SRSF4: variants seen among roughly 807,000 people sequenced by gnomAD.
The protein encoded by SRSF4 is serine/arginine-rich splicing factor 4.
Under a neutral mutation model 48.8 loss-of-function variants are expected in SRSF4, and 12 were observed. The observed-to-expected ratio is 0.25, with a 90% CI of 0.16 to 0.40. The LOEUF is 0.40. Among genes scored for constraint, SRSF4 ranks in the 10% least tolerant of loss-of-function variants. The pLI is 1.00. For missense variants in SRSF4, 466 were observed against 667.1 expected (o/e 0.70, Z 3.32); for synonymous variants, 248 against 232.5 (o/e 1.07, Z -0.61).
At position 29,154,356 on chromosome 1, in the gene SRSF4, G is replaced by A. The variant is rs548730938; in HGVS notation, c.578+340C>T. The A allele has an allele frequency of 7.6e-5, 16 of 209,440 alleles. No individual in the cohort carries two copies. In the South Asian group the frequency reaches 1.3e-3, roughly 17 times the overall value. 13.0% of individuals were successfully genotyped at this position (209,440 alleles called of 1,614,324 possible). ...TGGGATTACAGACATGCGCCACAGC[G>A]CCCAGCATTTTTGTATTTTTAGTAC... On this transcript the variant is annotated intron_variant, in intron 4 of 5. Coordinates refer to ENST00000373795, the MANE Select transcript of SRSF4 (RefSeq NM_005626.5).
chr1:29,171,960 C>G (rs1464303168), intron 1 of SRSF4: 1 of 152,036 alleles, frequency 6.6e-6, no homozygotes, highest in Non-Finnish European at 1.5e-5. Flanking sequence ...GACCAAGAAC[C>G]AAGGAGTGGA....
chr1:29,154,598 T>C lies in SRSF4; in HGVS notation c.578+98A>G, dbSNP rs993982427. On this transcript the variant is annotated intron_variant, in intron 4 of 5. Transcript: ENST00000373795. ...TAAGTTATTGAACCAGATGGAATCA[T>C]GTTATTAAGAACTCAACAGGAAAAT... The C allele has an allele frequency of 6.1e-6, 7 of 1,148,118 alleles. No homozygotes were observed. In the African/African-American group the frequency reaches 7.8e-5, roughly 13 times the overall value. The allele number at this position is 1,148,118 out of a possible 1,614,324, so 71.1% of individuals were successfully genotyped here. A position where few individuals can be genotyped will look rare whatever the true frequency, so the allele number is the denominator to read the frequency against.
intron 1 of SRSF4, among the ~76,000 whole-genome samples, chr1:29,176,641 ATTC>A (rs1339104942): frequency 6.6e-6 from 1 of 151,956 alleles, no homozygotes; most frequent in Non-Finnish European, 1.5e-5. Flanking sequence ...GTTGGCAGTA[ATTC>A]TTCTCAGTAT....
intron 3 of SRSF4, among the ~76,000 whole-genome samples, chr1:29,157,286 C>A (rs979627418): frequency 6.6e-6 from 1 of 152,056 alleles, no homozygotes; most frequent in African/African-American, 2.4e-5. Context: ...TACAGGCACC[C>A]CATAAGCCTT....
In SRSF4 at chr1:29,154,776, A is replaced by G; in HGVS notation, c.498T>C (p.Asn166=). The change falls in exon 4 of 6, where the codon AAT becomes AAC. Residue 166 remains asparagine, a synonymous_variant. Coordinates refer to ENST00000373795, the MANE Select transcript of SRSF4 (RefSeq NM_005626.5). ...CTTCAACTAATCTGATTTTTCTCCC[A>G]TTGACTTCAGTTCCATCCAACTTTT... ...ALEKLDGTEV[N]GRKIRLVEDK... 2 of 1,614,154 alleles carry G rather than the reference A, an allele frequency of 1.2e-6. No individual in the cohort carries two copies. Among genetic ancestry groups the G allele is most frequent in the Non-Finnish European group, 1.7e-6 (2 of 1,180,042 alleles).
intron 4 of SRSF4, among the ~76,000 whole-genome samples, chr1:29,153,989 T>A (rs1405974519): frequency 1.3e-5 from 2 of 151,612 alleles, no homozygotes; most frequent in African/African-American, 4.9e-5. Context: ...CTCTGCCTCC[T>A]GGGTTCAAGC....
intron 1 of SRSF4, among the ~76,000 whole-genome samples, chr1:29,180,578 C>CTA (rs1672939906): frequency 6.6e-6 from 1 of 152,128 alleles, no homozygotes; most frequent in South Asian, 2.1e-4. Flanking sequence ...TAAACGGTAG[C>CTA]TATATTACAA....
At chr1:29,176,342 T>C (rs1158157761) in intron 1 of SRSF4, among the ~76,000 whole-genome samples, 1 of 152,130 alleles carries the variant, frequency 6.6e-6, no homozygotes, top group Non-Finnish European at 1.5e-5. Flanking sequence ...TGTCACTCAT[T>C]AGTTATAGCA....
chr1:29,181,500 C>T (rs1051833274), intron 1 of SRSF4, 146 bp downstream of exon 1: 121 of 633,008 alleles, frequency 1.9e-4, no homozygotes, highest in Non-Finnish European at 2.0e-4. Context: ...CCTACCCGCG[C>T]CCCCGAGGCG....
intron 1 of SRSF4, among the ~76,000 whole-genome samples, chr1:29,179,611 G>A (rs77587768): frequency 6.6e-6 from 1 of 152,282 alleles, no homozygotes; most frequent in East Asian, 1.9e-4. Context: ...AGCTGGGATT[G>A]CAGGCACAAG....
intron 1 of SRSF4, among the ~76,000 whole-genome samples, chr1:29,175,799 T>C (rs1449987008): frequency 6.6e-6 from 1 of 151,890 alleles, no homozygotes; most frequent in Non-Finnish European, 1.5e-5. Context: ...AAGAGAGTTA[T>C]TCAAACACGC....
intron 1 of SRSF4, among the ~76,000 whole-genome samples, chr1:29,176,480 TAAAAAC>T (rs559198613): frequency 0.01 from 1,270 of 125,546 alleles, 22 homozygotes; most frequent in African/African-American, 0.042. Flanking sequence ...AATTAAAAAC[TAAAAAC>T]TTTAAAAAAA....
At chr1:29,165,430 A>T (rs1178967624) in intron 1 of SRSF4, among the ~76,000 whole-genome samples, 1 of 152,208 alleles carries the variant, frequency 6.6e-6, no homozygotes, top group African/African-American at 2.4e-5. Flanking sequence ...TGAAATGTTA[A>T]CCACACTTCT....
chr1:29,149,954 G>T, intron 5 of SRSF4, 149 bp downstream of exon 5: 1 of 622,736 alleles, frequency 1.6e-6, no homozygotes, highest in Non-Finnish European at 2.8e-6. Flanking sequence ...CTTGAGCCCA[G>T]TGAGGTGAGG....
At chr1:29,158,218 C>T (rs573508593) in intron 3 of SRSF4, among the ~76,000 whole-genome samples, 4 of 151,932 alleles carry the variant, frequency 2.6e-5, no homozygotes, top group African/African-American at 4.8e-5. Flanking sequence ...AACATTAGCA[C>T]TGAATCTTAA....
chr1:29,149,705 AG>A (rs62960962), intron 5 of SRSF4, among the ~76,000 whole-genome samples: 15,304 of 93,838 alleles, frequency 0.16, 1,018 homozygotes, highest in Non-Finnish European at 0.23. Context: ...AAAAAAAAAA[AG>A]AAAAAGAAGC....
At chr1:29,168,050 C>T (rs1006824592) in intron 1 of SRSF4, among the ~76,000 whole-genome samples, 3 of 148,710 alleles carry the variant, frequency 2.0e-5, no homozygotes, top group Non-Finnish European at 3.0e-5. Context: ...TAGTCTCGCT[C>T]TGTCGCGCAG....
chr1:29,177,192 G>C (rs972204824), intron 1 of SRSF4, among the ~76,000 whole-genome samples: 1 of 151,672 alleles, frequency 6.6e-6, no homozygotes, highest in African/African-American at 2.4e-5. Context: ...CCACAGAGCT[G>C]AAAGGGTATA....
At chr1:29,168,474 TAA>T (rs1023673982) in intron 1 of SRSF4, 112 of 152,062 alleles carry the variant, frequency 7.4e-4, no homozygotes, top group African/African-American at 2.6e-3. Flanking sequence ...TATAATGGGG[TAA>T]AGTCTCTAGA....
Sources: allele counts gnomAD v4.1 joint callset (sites outside exome capture counted in the v4.1 genomes callset), GRCh38; gene constraint gnomAD v4.1.1; transcripts MANE v1.5; gene names NCBI Gene and HGNC (gene_info 2026-07-23, HGNC 2026-07-21).